ANKRD11: variants seen among roughly 807,000 people sequenced by gnomAD.
The protein encoded by ANKRD11 is ankyrin repeat domain-containing protein 11.
ANKRD11 carries 17 observed loss-of-function variants against 195.7 expected under a neutral mutation model. That is an observed-to-expected ratio of 0.09 (90% CI 0.06 to 0.13). The LOEUF is 0.13. ANKRD11 is among the 10% of genes least tolerant of loss of function. The probability of loss-of-function intolerance (pLI) is 1.00; values close to 1 mark genes in which losing one functional copy is unlikely to be tolerated. For missense variants in ANKRD11, 3,735 were observed against 3,566.1 expected (o/e 1.05, Z -1.21); for synonymous variants, 1,953 against 1,528.1 (o/e 1.28, Z -6.49).
At chr16:89,305,013 G>A in intron 4 of ANKRD11, 193 bp downstream of exon 4, 1 of 823,400 alleles carries the variant, frequency 1.2e-6, no homozygotes, top group East Asian at 2.7e-5. Context: ...CCATGGGCCT[G>A]AGCCTCGGGT....
intron 2 of ANKRD11, among the ~76,000 whole-genome samples, chr16:89,401,879 G>T (rs1013143895): frequency 8.6e-5 from 13 of 150,540 alleles, no homozygotes; most frequent in African/African-American, 3.2e-4. Flanking sequence ...CCCAGAACCC[G>T]CCGGGCACAC....
chr16:89,483,024 G>A (rs2057493845), intron 1 of ANKRD11, among the ~76,000 whole-genome samples: 1 of 152,170 alleles, frequency 6.6e-6, no homozygotes, highest in Non-Finnish European at 1.5e-5. Context: ...CTAAGGTTAT[G>A]GTGGTTAGTT....
chr16:89,483,922 A>G lies in ANKRD11; in HGVS notation c.-145+6323T>C, dbSNP rs548843658. Among the ~76,000 whole-genome samples the G allele has an allele frequency of 5.9e-5, 9 of 152,350 alleles. No individual in the cohort carries two copies. In the South Asian group the frequency reaches 1.9e-3, roughly 32 times the overall value. On this transcript the variant is annotated intron_variant, in intron 1 of 12. Coordinates refer to ENST00000301030, the MANE Select transcript of ANKRD11 (RefSeq NM_013275.6). The stretch of plus-strand genomic sequence containing the variant: ...AGACTATTCTCAAAGTAACAAAAAT[A>G]TCTATGTATGTAATTTAAATAAATT...
chr16:89,357,937 T>C (rs927801476), intron 2 of ANKRD11, among the ~76,000 whole-genome samples: 3 of 152,270 alleles, frequency 2.0e-5, no homozygotes, highest in Non-Finnish European at 2.9e-5. Flanking sequence ...TGAAAAGTAG[T>C]AAATCCTTTC....
chr16:89,283,752 G>C lies in ANKRD11; in HGVS notation c.2790C>G (p.Val930=). 1 of 1,613,556 alleles carries C rather than the reference G, an allele frequency of 6.2e-7. No individual in the cohort carries two copies. Among genetic ancestry groups the C allele is most frequent in the Non-Finnish European group, 8.5e-7 (1 of 1,179,736 alleles). The change falls in exon 9 of 13, where the codon GTC becomes GTG. Residue 930 remains valine, a synonymous_variant. Coordinates refer to ENST00000301030, the MANE Select transcript of ANKRD11 (RefSeq NM_013275.6). The surrounding 1 kb of genome is among the most constrained non-coding windows in gnomAD (Gnocchi z 4.3). ...TGTCCTTTTCCGAAAGGTAGCCAGG[G>C]ACACTTTTATGCTTTTCGGTCTGCT... The part of the protein sequence containing the change: ...RKEQTEKHKS[V]PGYLSEKDKK...
intron 2 of ANKRD11, among the ~76,000 whole-genome samples, chr16:89,369,378 G>A (rs1294360261): frequency 6.6e-6 from 1 of 152,204 alleles, no homozygotes; most frequent in Admixed American, 6.5e-5. Flanking sequence ...TGCATGACCC[G>A]CATGACCCTG....
chr16:89,422,231 T>G (rs527635683), intron 1 of ANKRD11: 2 of 152,298 alleles, frequency 1.3e-5, no homozygotes, highest in Admixed American at 6.5e-5. Context: ...GGAGGATCAC[T>G]TCCGCACAGA....
intron 2 of ANKRD11, among the ~76,000 whole-genome samples, chr16:89,343,253 G>C (rs1051128497): frequency 6.6e-6 from 1 of 152,150 alleles, no homozygotes; most frequent in African/African-American, 2.4e-5. Flanking sequence ...TCGGCCTCCC[G>C]AAGTGCTGGG....
chr16:89,449,520 G>A lies in ANKRD11; in HGVS notation c.-144-31152C>T, dbSNP rs185855266. On this transcript the variant is annotated intron_variant, in intron 1 of 12. Transcript: ENST00000301030. ...TAGAAAGGGGGTGTGCAGGCCGGGCGTGGTGGCTCATGCCTGTAATCCGAG... is the reference window on the plus strand; with the variant it reads ...TAGAAAGGGGGTGTGCAGGCCGGGCATGGTGGCTCATGCCTGTAATCCGAG... Among the ~76,000 whole-genome samples, 241 of 152,190 alleles carry A rather than the reference G, an allele frequency of 1.6e-3. 1 individual carries two copies. The highest frequency in any genetic ancestry group is 5.4e-3 in the African/African-American group (224 of 41,508).
rs553002021 is a variant in ANKRD11, at chr16:89,280,389, T to G, written c.6153A>C (p.Ser2051=). The change falls in exon 9 of 13, where the codon TCA becomes TCC. Residue 2051 remains serine, a synonymous_variant. Coordinates refer to ENST00000301030, the MANE Select transcript of ANKRD11 (RefSeq NM_013275.6). Reference sequence around the variant, plus strand: ...AGGGAGGGGCGTAGGGAGCCGCCTCTGAGGTGGAGATGGCGGCGGGGACGG... The same window carrying G: ...AGGGAGGGGCGTAGGGAGCCGCCTCGGAGGTGGAGATGGCGGCGGGGACGG... ...VDAVPAAIST[S]EAAPYAPPSG... 6.4e-7 allele frequency: 1 copy of G among 1,561,870 alleles called. No homozygotes were observed. The highest frequency in any genetic ancestry group is 8.7e-7 in the Non-Finnish European group (1 of 1,154,872).
At chr16:89,406,750 C>G (rs146512587) in intron 2 of ANKRD11, among the ~76,000 whole-genome samples, 1 of 152,296 alleles carries the variant, frequency 6.6e-6, no homozygotes, top group Non-Finnish European at 1.5e-5. Flanking sequence ...GATAAGCGAT[C>G]CCACCAAGCA....
At chr16:89,351,869 T>A (rs1050925006) in intron 2 of ANKRD11, among the ~76,000 whole-genome samples, 11 of 152,170 alleles carry the variant, frequency 7.2e-5, no homozygotes, top group African/African-American at 2.7e-4. Context: ...ACTGTGCGCT[T>A]TATCTGGGTA....
intron 2 of ANKRD11, among the ~76,000 whole-genome samples, chr16:89,379,783 G>A (rs577367027): frequency 6.6e-6 from 1 of 152,240 alleles, no homozygotes; most frequent in African/African-American, 2.4e-5. Flanking sequence ...AACGGGCAAA[G>A]AAGATGTCAG....
chr16:89,330,264 G>GCCA (rs2037976924), intron 2 of ANKRD11, among the ~76,000 whole-genome samples: 1 of 152,108 alleles, frequency 6.6e-6, no homozygotes, highest in African/African-American at 2.4e-5. Flanking sequence ...TGACCATGCA[G>GCCA]CCACCACCAC....
At chr16:89,416,306 T>A (rs1195890379) in intron 2 of ANKRD11, among the ~76,000 whole-genome samples, 1 of 152,040 alleles carries the variant, frequency 6.6e-6, no homozygotes, top group Non-Finnish European at 1.5e-5. Context: ...CATCGATTTT[T>A]TTTTTTCCCC....
intron 2 of ANKRD11, among the ~76,000 whole-genome samples, chr16:89,393,121 TTC>T (rs2041269681): frequency 6.6e-6 from 1 of 152,038 alleles, no homozygotes; most frequent in African/African-American, 2.4e-5. Context: ...CCTGCATACC[TTC>T]TCTCACAGGA....
chr16:89,317,202 G>A, intron 2 of ANKRD11, 124 bp from the exon 3 acceptor site: 2 of 755,168 alleles, frequency 2.6e-6, no homozygotes, highest in Non-Finnish European at 4.6e-6. Flanking sequence ...TCAGGGCTGG[G>A]GCCCGGGCCA....
chr16:89,269,426 AG>A (rs1200611811), intron 12 of ANKRD11, among the ~76,000 whole-genome samples: 30 of 152,164 alleles, frequency 2.0e-4, no homozygotes, highest in Non-Finnish European at 2.9e-5. Flanking sequence ...TTCGAAGCTC[AG>A]GATGGATTCA....
At chr16:89,487,802 C>T (rs1415732393) in intron 1 of ANKRD11, among the ~76,000 whole-genome samples, 2 of 152,254 alleles carry the variant, frequency 1.3e-5, no homozygotes, top group Admixed American at 1.3e-4. Flanking sequence ...TAAAAAGGGG[C>T]ACAAAAACTT....
Sources: allele counts gnomAD v4.1 joint callset (sites outside exome capture counted in the v4.1 genomes callset), GRCh38; gene constraint gnomAD v4.1.1; non-coding constraint Gnocchi (gnomAD v3.1); transcripts MANE v1.5; gene names NCBI Gene and HGNC (gene_info 2026-07-23, HGNC 2026-07-21).